FBXO27: variants seen among roughly 807,000 people sequenced by gnomAD.
FBXO27 encodes the protein F-box only protein 27.
In FBXO27, 28 loss-of-function variants were observed where a neutral mutation model predicts 28.3. The ratio of observed to expected loss-of-function variants is 0.99; its 90% CI spans 0.73 to 1.36. The LOEUF (loss-of-function observed/expected upper bound fraction) is 1.36, where lower values mean the gene tolerates loss of function less well. FBXO27 is among the 40% of genes most tolerant of loss of function. FBXO27 has a pLI of 0.00. For missense variants in FBXO27, 388 were observed against 394.1 expected (o/e 0.98, Z 0.13); for synonymous variants, 175 against 167.3 (o/e 1.05, Z -0.36).
chr19:39,007,752 C>T (rs1289989409), intron 2 of FBXO27, among the ~76,000 whole-genome samples: 1 of 152,146 alleles, frequency 6.6e-6, no homozygotes, highest in Non-Finnish European at 1.5e-5. Context: ...AAGCGATCCT[C>T]CCACCTCAGC....
chr19:39,012,714 T>C (rs2072801626), intron 2 of FBXO27, among the ~76,000 whole-genome samples: 2 of 151,892 alleles, frequency 1.3e-5, no homozygotes, highest in Non-Finnish European at 1.5e-5. Context: ...TGCTAGCACT[T>C]TGGGAGGCCG....
intron 2 of FBXO27, among the ~76,000 whole-genome samples, chr19:39,009,865 A>G (rs1485536759): frequency 6.6e-6 from 1 of 151,978 alleles, no homozygotes; most frequent in Non-Finnish European, 1.5e-5. Flanking sequence ...GCTGGAGTGC[A>G]GTGGCGTGAT....
chr19:39,027,089 A>G (rs2072877082), intron 4 of FBXO27, 84 bp from the exon 5 acceptor site: 1 of 1,543,230 alleles, frequency 6.5e-7, no homozygotes, highest in Non-Finnish European at 8.8e-7. Context: ...TGCCCTTCCC[A>G]TGTGTGCAAA....
At chr19:39,008,604 A>G (rs532989167) in intron 2 of FBXO27, among the ~76,000 whole-genome samples, 6 of 152,236 alleles carry the variant, frequency 3.9e-5, no homozygotes, top group African/African-American at 1.4e-4. Flanking sequence ...ACCACCATCT[A>G]GTTCCCAAAT....
intron 2 of FBXO27, 158 bp from the exon 3 acceptor site, chr19:39,031,478 G>A (rs766293080): frequency 2.0e-5 from 13 of 655,784 alleles, no homozygotes; most frequent in African/African-American, 3.8e-5. Context: ...ACCAGCTCAG[G>A]GCAAAGCCCC....
intron 4 of FBXO27, among the ~76,000 whole-genome samples, chr19:39,029,065 AT>A (rs1205186183): frequency 6.7e-6 from 1 of 148,840 alleles, no homozygotes; most frequent in Non-Finnish European, 1.5e-5. Context: ...AAAAAAAAAA[AT>A]CTTATTGGAG....
chr19:39,030,090 C>T (rs1046220278), intron 4 of FBXO27, among the ~76,000 whole-genome samples: 2 of 152,162 alleles, frequency 1.3e-5, no homozygotes, highest in East Asian at 1.9e-4. Flanking sequence ...GATCTGCCCA[C>T]CTCGGCCTCC....
At chr19:39,021,252 T>A (rs117628950), downstream of FBXO27, among the ~76,000 whole-genome samples, 1 of 152,260 alleles carries the variant, frequency 6.6e-6, no homozygotes, top group East Asian at 1.9e-4. Context: ...TGGTGCCATA[T>A]AGAAACATTT....
rs145505570 is a variant in FBXO27 at position 39,024,337 on chromosome 19, C to T, written c.*1074G>A. 6.6e-6 allele frequency: 1 copy of T among 152,106 alleles called. No individual in the cohort carries two copies. Among genetic ancestry groups the T allele is most frequent in the African/African-American group, 2.4e-5 (1 of 41,330 alleles). The allele number at this position is 152,106 out of a possible 1,614,324, so 9.4% of individuals were successfully genotyped here. On this transcript the variant is annotated 3_prime_UTR_variant, in exon 6 of 6. Coordinates refer to ENST00000292853, the MANE Select transcript of FBXO27 (RefSeq NM_178820.5). ...AACCTGGGCACAAATGATCCTCCCA[C>T]TTCAGCCTCCCAAGTAGCTTGGACT...
At position 39,031,896 on chromosome 19, in the gene FBXO27, C is replaced by T. The variant is rs774980896; in HGVS notation, c.332G>A (p.Gly111Glu). Residue 111 changes from glycine to glutamate, a missense_variant, in exon 2 of 6, where the codon GGA becomes GAA. Transcript: ENST00000292853. The part of the protein sequence containing the change: ...LGRFCARRPI[G>E]RNLIRNPCGQ... ...GCAGGGGTTGCGAATAAGGTTGCGTCCGATGGGTCTGCGCGCGCAGAAGCG... is the reference window on the plus strand; with the variant it reads ...GCAGGGGTTGCGAATAAGGTTGCGTTCGATGGGTCTGCGCGCGCAGAAGCG... The T allele has an allele frequency of 6.7e-7, 1 of 1,500,288 alleles. No homozygotes were observed. The highest frequency in any genetic ancestry group is 1.3e-5 in the South Asian group (1 of 75,962). 92.9% of individuals were successfully genotyped at this position (1,500,288 alleles called of 1,614,324 possible). A position where few individuals can be genotyped will look rare whatever the true frequency, so the allele number is the denominator to read the frequency against.
At chr19:39,016,375 T>TGC (rs1724950149) in intron 1 of FBXO27, among the ~76,000 whole-genome samples, 2 of 150,512 alleles carry the variant, frequency 1.3e-5, no homozygotes, top group African/African-American at 5.0e-5. Context: ...TGTGTGTGTG[T>TGC]GCGTGAGGGG....
chr19:39,022,143 ATTCTTTTT>A (rs2072848257), downstream of FBXO27, among the ~76,000 whole-genome samples: 1 of 101,130 alleles, frequency 9.9e-6, no homozygotes. Flanking sequence ...AATATTTTCT[ATTCTTTTT>A]TTTTTTTTTT....
At chr19:39,011,981 A>G (rs1224052274) in intron 2 of FBXO27, among the ~76,000 whole-genome samples, 1 of 150,096 alleles carries the variant, frequency 6.7e-6, no homozygotes, top group Non-Finnish European at 1.5e-5. Context: ...GGTGCCCGCC[A>G]CCATGACCAG....
intron 1 of FBXO27, among the ~76,000 whole-genome samples, chr19:39,018,588 A>AGAGAGTT (rs1480877295): frequency 6.6e-6 from 1 of 152,088 alleles, no homozygotes; most frequent in East Asian, 1.9e-4. Flanking sequence ...TGACATTACG[A>AGAGAGTT]GAGAGTTGAT....
At chr19:39,029,279 T>C (rs1356581164) in intron 4 of FBXO27, among the ~76,000 whole-genome samples, 1 of 150,396 alleles carries the variant, frequency 6.6e-6, no homozygotes, top group Non-Finnish European at 1.5e-5. Context: ...TAAAAAAAAA[T>C]AGCCAGGTGT....
chr19:39,029,781 G>A (rs1473044001), intron 4 of FBXO27, among the ~76,000 whole-genome samples: 1 of 152,150 alleles, frequency 6.6e-6, no homozygotes, highest in Non-Finnish European at 1.5e-5. Flanking sequence ...GTCAGAATCT[G>A]ACTCTGAGCC....
At chr19:39,009,568 T>A (rs974240404) in intron 2 of FBXO27, among the ~76,000 whole-genome samples, 4 of 152,210 alleles carry the variant, frequency 2.6e-5, no homozygotes, top group Non-Finnish European at 5.9e-5. Flanking sequence ...TCTTTTCATG[T>A]ACTTACCGAA....
intron 2 of FBXO27, among the ~76,000 whole-genome samples, chr19:39,009,215 C>T (rs1175466411): frequency 6.6e-6 from 1 of 152,188 alleles, no homozygotes; most frequent in Non-Finnish European, 1.5e-5. Flanking sequence ...CTTGTTTCCA[C>T]TCTTTGTCTC....
chr19:39,018,273 G>A (rs1002827894), intron 1 of FBXO27, among the ~76,000 whole-genome samples: 2 of 152,168 alleles, frequency 1.3e-5, no homozygotes, highest in Non-Finnish European at 2.9e-5. Flanking sequence ...GAGGCAGTGT[G>A]AAATCATAAT....
Sources: allele counts gnomAD v4.1 joint callset (sites outside exome capture counted in the v4.1 genomes callset), GRCh38; gene constraint gnomAD v4.1.1; transcripts MANE v1.5; gene names NCBI Gene and HGNC (gene_info 2026-07-23, HGNC 2026-07-21).